SRFBP1: variants seen among roughly 807,000 people sequenced by gnomAD.
SRFBP1 encodes serum response factor binding protein 1.
Under a neutral mutation model 45.5 loss-of-function variants are expected in SRFBP1, and 47 were observed. The observed-to-expected ratio is 1.03, with a 90% CI of 0.82 to 1.32. The LOEUF is 1.32. SRFBP1 is among the 40% of genes most tolerant of loss of function. The pLI is 0.00. For synonymous variants in SRFBP1, 203 were observed against 166.3 expected (o/e 1.22, Z -1.70); for missense variants, 621 against 484.6 (o/e 1.28, Z -2.64).
At chr5:121,962,455 A>G (rs1481085914) in intron 1 of SRFBP1, among the ~76,000 whole-genome samples, 1 of 152,182 alleles carries the variant, frequency 6.6e-6, no homozygotes, top group Non-Finnish European at 1.5e-5. Flanking sequence ...CCTGCTCTTT[A>G]TTGCCTGTCG....
intron 4 of SRFBP1, among the ~76,000 whole-genome samples, chr5:122,001,669 C>G (rs1655103353): frequency 6.7e-6 from 1 of 149,132 alleles, no homozygotes; most frequent in African/African-American, 2.5e-5. Flanking sequence ...TCACGCCATT[C>G]TCCTGCCTCA....
intron 4 of SRFBP1, among the ~76,000 whole-genome samples, chr5:122,015,335 T>A (rs1753174485): frequency 6.6e-6 from 1 of 152,232 alleles, no homozygotes; most frequent in Non-Finnish European, 1.5e-5. Flanking sequence ...TGCTTTAATT[T>A]GGCAACAGAA....
At chr5:122,065,571 T>G (rs1033700877) in intron 2 of SRFBP1, 10 of 152,056 alleles carry the variant, frequency 6.6e-5, no homozygotes, top group Non-Finnish European at 1.0e-4. Flanking sequence ...CCCTCAAGTA[T>G]GTAATACTAT....
intron 3 of SRFBP1, among the ~76,000 whole-genome samples, chr5:121,984,177 G>T (rs1003655874): frequency 6.6e-6 from 1 of 151,770 alleles, no homozygotes; most frequent in African/African-American, 2.4e-5. Context: ...AAAGATGGAG[G>T]ATATATGCAT....
At position 121,975,324 on chromosome 5, in the gene SRFBP1, AG is replaced by A; in HGVS notation, c.136del (p.Asp46MetfsTer4). 6.2e-7 allele frequency: 1 copy of A among 1,613,216 alleles called. No homozygotes were observed. Among genetic ancestry groups the A allele is most frequent in the Non-Finnish European group, 8.5e-7 (1 of 1,179,290 alleles). ...AATGTATTTTTTGCAGGGGTACTGA[AG>A]ATGCACTGTTAAAAAACCAAAGACG... is the stretch of plus-strand genomic sequence containing the variant. Reference protein sequence around the residue: ...GRLKSKKGTEDALLKNQRRAQ... With the variant: ...GRLKSKKGTEXALLKNQRRAQ... On this transcript the variant is annotated frameshift_variant, in exon 3 of 8. Transcript: ENST00000339397. LOFTEE classifies it high-confidence loss of function.
chr5:122,017,937 A>T (rs1753222278), intron 4 of SRFBP1, among the ~76,000 whole-genome samples: 1 of 152,210 alleles, frequency 6.6e-6, no homozygotes, highest in Non-Finnish European at 1.5e-5. Context: ...TATTCTAGGC[A>T]CTGAATCTAC....
chr5:122,006,382 G>A (rs915764581), intron 4 of SRFBP1, among the ~76,000 whole-genome samples: 4 of 151,948 alleles, frequency 2.6e-5, no homozygotes, highest in African/African-American at 9.7e-5. Context: ...GTCTTCTTTG[G>A]ATTGAATCTC....
intron 3 of SRFBP1, among the ~76,000 whole-genome samples, chr5:121,989,354 C>T (rs1458677244): frequency 6.6e-6 from 1 of 152,140 alleles, no homozygotes; most frequent in Non-Finnish European, 1.5e-5. Context: ...GTGTGAGCCA[C>T]CGAGCCCTGC....
chr5:121,977,930 G>A (rs531083701), intron 3 of SRFBP1, among the ~76,000 whole-genome samples: 8 of 152,194 alleles, frequency 5.3e-5, no homozygotes, highest in African/African-American at 1.4e-4. Context: ...CTATAATAGT[G>A]TCCATACTTT....
At position 121,975,880 on chromosome 5, in the gene SRFBP1, GT is replaced by G. The variant is rs376036386; in HGVS notation, c.198+503del. Among the ~76,000 whole-genome samples the G allele has an allele frequency of 4.1e-3, 587 of 144,086 alleles. 5 individuals carry two copies. The highest frequency in any genetic ancestry group is 4.6e-3 in the Non-Finnish European group (301 of 65,064). 94.5% of individuals were successfully genotyped at this position (144,086 alleles called of 152,430 possible). On this transcript the variant is annotated intron_variant, in intron 3 of 7. Coordinates refer to ENST00000339397, the MANE Select transcript of SRFBP1 (RefSeq NM_152546.3). ...TAGACCAATGTGATCCCATATTTTT[GT>G]TTTTTTTTTCAGTCAGACTCTTCAC...
intron 3 of SRFBP1, among the ~76,000 whole-genome samples, chr5:121,990,807 C>G (rs1375160941): frequency 1.3e-5 from 2 of 152,162 alleles, no homozygotes; most frequent in African/African-American, 4.8e-5. Context: ...AACACATTTT[C>G]TTTTGACTAC....
At chr5:122,038,152 ACAT>A (rs1753721282) in intron 2 of SRFBP1, among the ~76,000 whole-genome samples, 1 of 152,192 alleles carries the variant, frequency 6.6e-6, no homozygotes, top group Non-Finnish European at 1.5e-5. Context: ...CATCAAATAA[ACAT>A]CCGTTTTGTT....
chr5:122,009,083 T>A (rs1477114717), intron 4 of SRFBP1, among the ~76,000 whole-genome samples: 1 of 152,222 alleles, frequency 6.6e-6, no homozygotes, highest in African/African-American at 2.4e-5. Flanking sequence ...GTTAAAGTTG[T>A]ATTGCTAGTC....
At chr5:121,977,222 G>A (rs1752321000) in intron 3 of SRFBP1, among the ~76,000 whole-genome samples, 1 of 151,920 alleles carries the variant, frequency 6.6e-6, no homozygotes, top group Non-Finnish European at 1.5e-5. Flanking sequence ...ATTGCGCAAT[G>A]GAATGGTTGC....
chr5:122,048,077 A>G (rs1437307873), intron 2 of SRFBP1, among the ~76,000 whole-genome samples: 1 of 152,162 alleles, frequency 6.6e-6, no homozygotes, highest in Non-Finnish European at 1.5e-5. Context: ...AACTTCCAAC[A>G]CTATATTGAA....
At chr5:121,997,375 T>C (rs890833200) in intron 4 of SRFBP1, among the ~76,000 whole-genome samples, 17 of 151,334 alleles carry the variant, frequency 1.1e-4, no homozygotes, top group Non-Finnish European at 2.2e-4. Context: ...CCTATAACTG[T>C]CTGATCTTTG....
chr5:122,076,876 G>C (rs1454561694), downstream of SRFBP1: 1 of 1,611,430 alleles, frequency 6.2e-7, no homozygotes, highest in Admixed American at 1.7e-5. Context: ...CGGGGCCTCA[G>C]ACATATCAGC....
intron 2 of SRFBP1, among the ~76,000 whole-genome samples, chr5:122,037,396 C>T (rs895739062): frequency 6.6e-5 from 10 of 152,226 alleles, no homozygotes; most frequent in African/African-American, 2.4e-4. Flanking sequence ...TTGTAGCTTG[C>T]AGGTAGGGTA....
At chr5:122,044,103 C>T (rs1753813968) in intron 2 of SRFBP1, among the ~76,000 whole-genome samples, 1 of 152,130 alleles carries the variant, frequency 6.6e-6, no homozygotes, top group East Asian at 1.9e-4. Flanking sequence ...TGAGAATGTG[C>T]AGTATTGGAT....
Sources: gnomAD v4.1 joint callset for allele counts (sites outside exome capture counted in the v4.1 genomes callset) on GRCh38, gnomAD v4.1.1 for gene constraint, MANE v1.5 for transcripts, NCBI Gene and HGNC (gene_info 2026-07-23, HGNC 2026-07-21) for gene names.